PICALM: variants seen among roughly 807,000 people sequenced by gnomAD.
PICALM encodes phosphatidylinositol binding clathrin assembly protein.
PICALM carries 40 observed loss-of-function variants against 80.5 expected under a neutral mutation model. The ratio of observed to expected loss-of-function variants is 0.50; its 90% CI spans 0.39 to 0.65. The LOEUF is 0.65. PICALM is among the 30% of genes least tolerant of loss of function. The pLI is 0.00. For synonymous variants in PICALM, 288 were observed against 260.3 expected (o/e 1.11, Z -1.02); for missense variants, 676 against 778.9 (o/e 0.87, Z 1.57).
chr11:85,974,398 C>CA (rs1209277490), intron 19 of PICALM: 1 of 527,480 alleles, frequency 1.9e-6, no homozygotes, highest in Non-Finnish European at 3.7e-6. Context: ...TTGAGGTTCA[C>CA]AAAGGATACT....
rs1033524971 is a variant in PICALM at position 85,960,697 on chromosome 11, C to G, written c.1945-1637G>C. 3 of 1,313,932 alleles carry G rather than the reference C, an allele frequency of 2.3e-6. No homozygotes were observed. The African/African-American group carries it at 4.5e-5, about 20-fold the overall frequency. 81.4% of individuals were successfully genotyped at this position (1,313,932 alleles called of 1,614,324 possible). A position where few individuals can be genotyped will look rare whatever the true frequency, so the allele number is the denominator to read the frequency against. On this transcript the variant is annotated intron_variant, in intron 19 of 19. Transcript: ENST00000393346. ...TACCTAAAGTGATTTATAAGAAATC[C>G]TCCAAAGAGAGCTCTGCAAAGGGGT...
rs970586463 is a variant in PICALM, at chr11:86,020,308, T to C, written c.452+2059A>G. Among the ~76,000 whole-genome samples, 5 of 150,594 alleles carry C rather than the reference T, an allele frequency of 3.3e-5. No homozygotes were observed. In the Admixed American group the frequency reaches 3.3e-4, roughly 10 times the overall value. On this transcript the variant is annotated intron_variant, in intron 4 of 19. Transcript: ENST00000393346. ...AGGTAATACTCCCCAAACTGATCTA[T>C]AGATTCAATGCAATCCCCCACAAAA... is the stretch of plus-strand genomic sequence containing the variant.
intron 1 of PICALM, among the ~76,000 whole-genome samples, chr11:86,038,892 T>C (rs1344314973): frequency 6.7e-6 from 1 of 149,300 alleles, no homozygotes; most frequent in African/African-American, 2.5e-5. Flanking sequence ...AACGGATCAC[T>C]CAAGGTCAGG....
At chr11:85,969,133 T>C (rs965612044) in intron 19 of PICALM, among the ~76,000 whole-genome samples, 1 of 152,200 alleles carries the variant, frequency 6.6e-6, no homozygotes, top group African/African-American at 2.4e-5. Context: ...TGTTAGCTGC[T>C]TCCTCATAAA....
chr11:86,009,154 G>A (rs1158440785), intron 7 of PICALM, among the ~76,000 whole-genome samples: 2 of 150,402 alleles, frequency 1.3e-5, no homozygotes, highest in Admixed American at 6.6e-5. Context: ...TTAGCTGGGC[G>A]TGGTGGCGGG....
chr11:86,059,263 T>C (rs975830697), intron 1 of PICALM, among the ~76,000 whole-genome samples: 4 of 151,974 alleles, frequency 2.6e-5, no homozygotes, highest in African/African-American at 9.7e-5. Context: ...CCATGGGGGG[T>C]TGCTGACTAG....
At chr11:86,053,784 T>A (rs955494978) in intron 1 of PICALM, among the ~76,000 whole-genome samples, 4 of 152,032 alleles carry the variant, frequency 2.6e-5, no homozygotes, top group Non-Finnish European at 5.9e-5. Context: ...CCCAGGCTGG[T>A]CTCAAACTCC....
intron 8 of PICALM, 182 bp from the exon 9 acceptor site, chr11:86,003,633 T>C: frequency 5.0e-6 from 2 of 397,192 alleles, no homozygotes; most frequent in Non-Finnish European, 8.9e-6. Flanking sequence ...AAACGTGACC[T>C]AGTTGGAGAT....
intron 5 of PICALM, 42 bp from the exon 6 acceptor site, chr11:86,012,434 T>A (rs912454921): frequency 1.2e-5 from 13 of 1,052,130 alleles, no homozygotes; most frequent in Non-Finnish European, 1.8e-5. Flanking sequence ...ATCTTAGGTT[T>A]TAAATGACAT....
chr11:85,974,651 G>A, intron 19 of PICALM, 57 bp downstream of exon 19: 1 of 1,119,512 alleles, frequency 8.9e-7, no homozygotes. Context: ...GGGTTTTATA[G>A]TATCATATTC....
In PICALM at chr11:86,006,961, G is replaced by A. The variant is rs138747028; in HGVS notation, c.807+581C>T. Among the ~76,000 whole-genome samples the A allele has an allele frequency of 2.3e-3, 349 of 151,938 alleles. 2 individuals carry two copies. Among genetic ancestry groups the A allele is most frequent in the African/African-American group, 8.1e-3 (335 of 41,404 alleles). ...TAATCCTGTGAACTACTTACTGTCT[G>A]AGGTAGGTACTGTTGTATCTTCATT... is the stretch of plus-strand genomic sequence containing the variant. On this transcript the variant is annotated intron_variant, in intron 8 of 19. Coordinates refer to ENST00000393346, the MANE Select transcript of PICALM (RefSeq NM_007166.4).
chr11:86,000,275 G>A (rs1387142244), intron 11 of PICALM, among the ~76,000 whole-genome samples: 1 of 152,164 alleles, frequency 6.6e-6, no homozygotes, highest in Admixed American at 6.5e-5. Flanking sequence ...AATATCTAAT[G>A]AAATGGTATT....
intron 7 of PICALM, among the ~76,000 whole-genome samples, chr11:86,008,596 G>A (rs2095325569): frequency 6.6e-6 from 1 of 151,766 alleles, no homozygotes; most frequent in South Asian, 2.1e-4. Context: ...CTCCAGCCTG[G>A]GAAACAGAGT....
intron 8 of PICALM, among the ~76,000 whole-genome samples, chr11:86,006,978 A>G (rs2095291557): frequency 1.3e-5 from 2 of 152,000 alleles, no homozygotes; most frequent in African/African-American, 4.8e-5. Flanking sequence ...GTACTGTTGT[A>G]TCTTCATTTT....
At chr11:85,982,597 T>A (rs2094475315) in intron 14 of PICALM, among the ~76,000 whole-genome samples, 1 of 139,622 alleles carries the variant, frequency 7.2e-6, no homozygotes, top group South Asian at 2.3e-4. Context: ...CCAGCTAATT[T>A]TTTGTATTTT....
chr11:86,018,533 T>TA (rs916936456), intron 4 of PICALM, among the ~76,000 whole-genome samples: 10 of 151,948 alleles, frequency 6.6e-5, no homozygotes, highest in African/African-American at 9.7e-5. Flanking sequence ...TTTATAAGAT[T>TA]AAAAAAAGGG....
chr11:86,061,389 A>G (rs1384167109), intron 1 of PICALM, among the ~76,000 whole-genome samples: 3 of 151,532 alleles, frequency 2.0e-5, no homozygotes, highest in Admixed American at 6.6e-5. Context: ...AAGGACTGTT[A>G]TTCAAAATAA....
chr11:86,068,352 T>A (rs1426759205), intron 1 of PICALM, among the ~76,000 whole-genome samples: 1 of 151,386 alleles, frequency 6.6e-6, no homozygotes, highest in Non-Finnish European at 1.5e-5. Context: ...AGAAGCCAGG[T>A]GGGGAAGCAA....
rs748212877 is a variant in PICALM, at chr11:85,996,917, C to A, written c.1167G>T (p.Leu389=). The change falls in exon 12 of 20, where the codon CTG becomes CTT. Residue 389 remains leucine, a synonymous_variant. Coordinates refer to ENST00000393346, the MANE Select transcript of PICALM (RefSeq NM_007166.4). ...TPSSSNSTSK[L]PNDLLDLQQP... is the part of the protein sequence containing the mutation. ...GCTGCAAATCAAGCAGATCATTGGGCAGCTTTGATGTGCTAGAAAGATATT... is the reference window on the plus strand; with the variant it reads ...GCTGCAAATCAAGCAGATCATTGGGAAGCTTTGATGTGCTAGAAAGATATT... 1.2e-6 allele frequency: 2 copies of A among 1,610,778 alleles called. No homozygotes were observed. Among genetic ancestry groups the A allele is most frequent in the South Asian group, 1.1e-5 (1 of 90,746 alleles).
Sources: allele counts gnomAD v4.1 joint callset (sites outside exome capture counted in the v4.1 genomes callset), GRCh38; gene constraint gnomAD v4.1.1; transcripts MANE v1.5; gene names NCBI Gene and HGNC (gene_info 2026-07-23, HGNC 2026-07-21).